TRPS1: variants seen among roughly 807,000 people sequenced by gnomAD.
The protein encoded by TRPS1 is zinc finger transcription factor Trps1.
Under a neutral mutation model 101.2 loss-of-function variants are expected in TRPS1, and 6 were observed. That is an observed-to-expected ratio of 0.06 (90% CI 0.03 to 0.12). The LOEUF is 0.12. Among genes scored for constraint, TRPS1 ranks in the 10% least tolerant of loss-of-function variants. TRPS1 has a pLI of 1.00. For synonymous variants in TRPS1, 578 were observed against 589.8 expected, an observed-to-expected ratio of 0.98 and a Z score of 0.29; for missense variants, 1,363 against 1,567.0, an observed-to-expected ratio of 0.87 and a Z score of 2.20.
intron 5 of TRPS1, among the ~76,000 whole-genome samples, chr8:115,428,522 A>G (rs1490036755): frequency 2.6e-5 from 4 of 152,246 alleles, no homozygotes; most frequent in Non-Finnish European, 5.9e-5. Context: ...TGCTTATTTT[A>G]ATGTAAACAA....
chr8:115,424,419 C>T (rs1320861599), intron 5 of TRPS1, among the ~76,000 whole-genome samples: 8 of 152,152 alleles, frequency 5.3e-5, no homozygotes, highest in Admixed American at 1.3e-4. Context: ...GTAATTATTG[C>T]GTGTCCACCA....
intron 5 of TRPS1, among the ~76,000 whole-genome samples, chr8:115,424,827 T>C (rs953072251): frequency 6.6e-6 from 1 of 152,260 alleles, no homozygotes; most frequent in East Asian, 1.9e-4. Flanking sequence ...TGACTTAATG[T>C]GTTCATGACT....
intron 1 of TRPS1, chr8:115,668,051 G>T: frequency 4.3e-6 from 3 of 694,372 alleles, no homozygotes; most frequent in South Asian, 1.8e-5. Flanking sequence ...GGGGCTGCGA[G>T]GGGGAGGGGG....
At chr8:115,564,200 G>A (rs1817013081) in intron 5 of TRPS1, among the ~76,000 whole-genome samples, 1 of 151,848 alleles carries the variant, frequency 6.6e-6, no homozygotes, top group Non-Finnish European at 1.5e-5. Flanking sequence ...AATACTATGG[G>A]GTACATTATT....
intron 5 of TRPS1, among the ~76,000 whole-genome samples, chr8:115,573,174 G>A (rs1817244865): frequency 6.6e-6 from 1 of 151,824 alleles, no homozygotes; most frequent in Admixed American, 6.6e-5. Context: ...GAACTTTGAA[G>A]CCAGGCTACT....
intron 5 of TRPS1, among the ~76,000 whole-genome samples, chr8:115,485,220 T>G (rs1010239917): frequency 2.0e-5 from 3 of 152,224 alleles, no homozygotes; most frequent in African/African-American, 4.8e-5. Flanking sequence ...ACATGGGAAC[T>G]GCCCATAGGG....
intron 1 of TRPS1, among the ~76,000 whole-genome samples, chr8:115,666,903 TCAATGAATCTACAAAA>T (rs1321256109): frequency 4.1e-5 from 6 of 147,552 alleles, no homozygotes; most frequent in African/African-American, 1.6e-4. Flanking sequence ...TTACAAAAGT[TCAATGAATCTACAAAA>T]GTTCAATGAA....
intron 5 of TRPS1, among the ~76,000 whole-genome samples, chr8:115,511,703 G>C (rs2130187997): frequency 1.3e-5 from 2 of 152,018 alleles, no homozygotes; most frequent in South Asian, 4.2e-4. Flanking sequence ...ATAAAAGTGA[G>C]AGGACAACAG....
chr8:115,499,328 T>G (rs2130136506), intron 5 of TRPS1, among the ~76,000 whole-genome samples: 1 of 152,322 alleles, frequency 6.6e-6, no homozygotes, highest in East Asian at 1.9e-4. Context: ...ATATTGTGCT[T>G]CTTTAGAAAA....
At chr8:115,634,861 A>G (rs1486353721) in intron 1 of TRPS1, among the ~76,000 whole-genome samples, 1 of 151,044 alleles carries the variant, frequency 6.6e-6, no homozygotes, top group African/African-American at 2.4e-5. Context: ...CCATCTTCTT[A>G]GGTTAAAAAA....
rs1818007970 is a variant in TRPS1, at chr8:115,605,115, A to T, written c.967-113T>A. The T allele has an allele frequency of 7.7e-6, 7 of 913,642 alleles. No individual in the cohort carries two copies. In the South Asian group the frequency reaches 8.6e-5, roughly 11 times the overall value. 56.6% of individuals were successfully genotyped at this position (913,642 alleles called of 1,614,324 possible). Reference sequence around the variant, plus strand: ...ATTCCACATCAAAAAATACAATAGTACTCCTGCTTATTATGAAATCACTTG... The same window carrying T: ...ATTCCACATCAAAAAATACAATAGTTCTCCTGCTTATTATGAAATCACTTG... On this transcript the variant is annotated intron_variant, in intron 3 of 6. Transcript: ENST00000395715.
At chr8:115,608,251 C>A (rs867607394) in intron 3 of TRPS1, among the ~76,000 whole-genome samples, 1 of 152,154 alleles carries the variant, frequency 6.6e-6, no homozygotes, top group Admixed American at 6.5e-5. Flanking sequence ...TTAAACCCAG[C>A]AGTTCCTTTG....
In TRPS1 at chr8:115,618,713, A is replaced by G. The variant is rs145145989; in HGVS notation, c.966+419T>C. On this transcript the variant is annotated intron_variant, in intron 3 of 6. Transcript: ENST00000395715. ...AAAATCAAATCCTAATCCAAGATACAGGAAATATCCTCACTGAAAGAAAGA... is the reference window on the plus strand; with the variant it reads ...AAAATCAAATCCTAATCCAAGATACGGGAAATATCCTCACTGAAAGAAAGA... Among the ~76,000 whole-genome samples the G allele has an allele frequency of 1.4e-3, 214 of 152,362 alleles. 3 individuals are homozygous for G. In the East Asian group the frequency reaches 0.036, roughly 26 times the overall value.
chr8:115,532,425 A>C (rs546452488), intron 5 of TRPS1, among the ~76,000 whole-genome samples: 1 of 152,306 alleles, frequency 6.6e-6, no homozygotes, highest in Non-Finnish European at 1.5e-5. Flanking sequence ...TCAGGCACTA[A>C]GCTTGGTGTC....
chr8:115,603,388 T>C (rs1817953114), intron 4 of TRPS1, among the ~76,000 whole-genome samples: 2 of 152,174 alleles, frequency 1.3e-5, no homozygotes, highest in South Asian at 2.1e-4. Context: ...TGCAGAATTG[T>C]TCAAAGCCAG....
At chr8:115,580,245 A>AATATATAT (rs1554591593) in intron 5 of TRPS1, among the ~76,000 whole-genome samples, 2 of 139,868 alleles carry the variant, frequency 1.4e-5, no homozygotes, top group African/African-American at 5.4e-5. Flanking sequence ...AAAAAAAAAA[A>AATATATAT]ATATATATAT....
intron 5 of TRPS1, among the ~76,000 whole-genome samples, chr8:115,422,649 A>G (rs1813096051): frequency 6.6e-6 from 1 of 152,136 alleles, no homozygotes; most frequent in Non-Finnish European, 1.5e-5. Context: ...TACAGGTGTG[A>G]GCCACCGCAC....
intron 1 of TRPS1, among the ~76,000 whole-genome samples, chr8:115,642,832 C>T (rs979440981): frequency 3.5e-5 from 4 of 113,652 alleles, no homozygotes; most frequent in African/African-American, 2.1e-4. Context: ...TAAAAGCATG[C>T]TTACTTCGTG....
intron 5 of TRPS1, among the ~76,000 whole-genome samples, chr8:115,542,732 C>T (rs73373225): frequency 0.02 from 2,969 of 152,240 alleles, 94 homozygotes; most frequent in African/African-American, 0.062. Context: ...TGATGATACT[C>T]ACCTCACAGA....
Sources: gnomAD v4.1 joint callset for allele counts (sites outside exome capture counted in the v4.1 genomes callset) on GRCh38, gnomAD v4.1.1 for gene constraint, MANE v1.5 for transcripts, NCBI Gene and HGNC (gene_info 2026-07-23, HGNC 2026-07-21) for gene names.